The following CCSER1 variants were observed in gnomAD, a reference collection of about 807,000 sequenced individuals.
The protein encoded by CCSER1 is serine-rich coiled-coil domain-containing protein 1.
A neutral mutation model predicts 82.0 loss-of-function variants in CCSER1; 41 were observed. The ratio of observed to expected loss-of-function variants is 0.50; its 90% confidence interval spans 0.39 to 0.65. The LOEUF is 0.65. Ranked by LOEUF, CCSER1 falls within the 30% of genes least tolerant of loss-of-function variation. The probability of loss-of-function intolerance (pLI) is 0.00; values close to 1 mark genes in which losing one functional copy is unlikely to be tolerated. For synonymous variants in CCSER1, 414 were observed against 383.9 expected, an observed-to-expected ratio of 1.08 and a Z score of -0.92; for missense variants, 1,119 against 1,064.2, an observed-to-expected ratio of 1.05 and a Z score of -0.72.
At chr4:90,551,678 T>TTCTC (rs71596530) in intron 5 of CCSER1, among the ~76,000 whole-genome samples, 2,880 of 88,414 alleles carry the variant, frequency 0.033, 85 homozygotes, top group African/African-American at 0.06. Flanking sequence ...AAAAATATAA[T>TTCTC]TCTCTCTCTC....
At chr4:90,317,593 GC>G (rs2153484695) in intron 3 of CCSER1, among the ~76,000 whole-genome samples, 1 of 152,262 alleles carries the variant, frequency 6.6e-6, no homozygotes, top group East Asian at 1.9e-4. Context: ...CTGCACTCCA[GC>G]TTGAACAACA....
At chr4:90,168,417 C>T (rs1054544352) in intron 1 of CCSER1, among the ~76,000 whole-genome samples, 10 of 152,168 alleles carry the variant, frequency 6.6e-5, no homozygotes, top group South Asian at 2.1e-4. Context: ...TTCTCCCATT[C>T]TGTAGGTTGC....
At chr4:90,280,795 T>C (rs76628265) in intron 1 of CCSER1, among the ~76,000 whole-genome samples, 1 of 76,534 alleles carries the variant, frequency 1.3e-5, no homozygotes, top group Non-Finnish European at 2.4e-5. Flanking sequence ...AGGTCTTTAA[T>C]CTAAATATTT....
chr4:90,615,528 T>G (rs548345362), intron 5 of CCSER1, among the ~76,000 whole-genome samples: 2 of 152,258 alleles, frequency 1.3e-5, no homozygotes, highest in African/African-American at 4.8e-5. Context: ...TTCAAGGGGT[T>G]CAAGACTACA....
intron 8 of CCSER1, among the ~76,000 whole-genome samples, chr4:90,912,684 G>T (rs7657375): frequency 0.48 from 73,360 of 151,912 alleles, 19,950 homozygotes; most frequent in African/African-American, 0.75. Context: ...AGGATCAAAC[G>T]TTTCCAAGCT....
intron 5 of CCSER1, among the ~76,000 whole-genome samples, chr4:90,591,139 C>T (rs1400599429): frequency 4.6e-5 from 7 of 152,120 alleles, no homozygotes; most frequent in Non-Finnish European, 8.8e-5. Flanking sequence ...GATTTTTGTA[C>T]ATTGCTGTTG....
chr4:91,232,994 A>C (rs1738738224), intron 10 of CCSER1, among the ~76,000 whole-genome samples: 1 of 151,876 alleles, frequency 6.6e-6, no homozygotes. Flanking sequence ...TAACAATGGC[A>C]ATCTCTGGGG....
chr4:91,384,742 A>G (rs1751165009), intron 10 of CCSER1, among the ~76,000 whole-genome samples: 1 of 152,112 alleles, frequency 6.6e-6, no homozygotes, highest in Non-Finnish European at 1.5e-5. Flanking sequence ...AAAACTTTTC[A>G]TGACAAAGTG....
intron 1 of CCSER1, among the ~76,000 whole-genome samples, chr4:90,170,884 G>T (rs1044377335): frequency 3.3e-5 from 5 of 151,912 alleles, no homozygotes; most frequent in South Asian, 4.1e-4. Context: ...TATGTAGCTA[G>T]CAGTGGGATT....
chr4:90,273,921 A>G (rs1396669039), intron 1 of CCSER1, among the ~76,000 whole-genome samples: 3 of 152,226 alleles, frequency 2.0e-5, no homozygotes, highest in African/African-American at 7.2e-5. Flanking sequence ...GAAGATAATT[A>G]TTCAAGATAT....
intron 9 of CCSER1, among the ~76,000 whole-genome samples, chr4:91,068,903 C>G (rs1721126661): frequency 6.6e-6 from 1 of 152,024 alleles, no homozygotes; most frequent in Non-Finnish European, 1.5e-5. Context: ...TGATTTTTGG[C>G]CAGGCATGGT....
intron 4 of CCSER1, among the ~76,000 whole-genome samples, chr4:90,448,785 T>C (rs921150764): frequency 1.3e-5 from 2 of 152,062 alleles, no homozygotes; most frequent in African/African-American, 4.8e-5. Context: ...GCTGCAGCTC[T>C]TCTCTCCTTC....
At chr4:91,478,984 T>C (rs1052054224) in intron 10 of CCSER1, among the ~76,000 whole-genome samples, 2 of 151,860 alleles carry the variant, frequency 1.3e-5, no homozygotes, top group African/African-American at 4.8e-5. Context: ...TTTTTTATAA[T>C]TAAGCAAATA....
At chr4:91,079,882 A>G (rs1380946585) in intron 9 of CCSER1, among the ~76,000 whole-genome samples, 1 of 152,196 alleles carries the variant, frequency 6.6e-6, no homozygotes, top group African/African-American at 2.4e-5. Flanking sequence ...CTAAATTTAT[A>G]GGCACCCAAT....
At chr4:90,705,489 C>G (rs983063158) in intron 6 of CCSER1, among the ~76,000 whole-genome samples, 5 of 152,216 alleles carry the variant, frequency 3.3e-5, no homozygotes, top group Non-Finnish European at 5.9e-5. Context: ...AACTACTACT[C>G]TCTTCAAAGG....
At position 91,180,714 on chromosome 4, in the gene CCSER1, AC is replaced by A. The variant is rs376248668; in HGVS notation, c.2217+94721del. Among the ~76,000 whole-genome samples, 1,356 of 152,178 alleles carry A rather than the reference AC, an allele frequency of 8.9e-3. 20 individuals carry two copies. The highest frequency in any genetic ancestry group is 0.031 in the African/African-American group (1,271 of 41,508). ...GAGGAGCTCAGTCAGGGAGACCCTA[AC>A]TCAGCGGCACTAGAGGAATTAAAGA... is the stretch of plus-strand genomic sequence containing the variant. On this transcript the variant is annotated intron_variant, in intron 10 of 10. Transcript: ENST00000509176.
intron 10 of CCSER1, among the ~76,000 whole-genome samples, chr4:91,580,939 A>T (rs1763698041): frequency 6.6e-6 from 1 of 151,644 alleles, no homozygotes; most frequent in South Asian, 2.1e-4. Context: ...ATTTAGCCAA[A>T]ATTATATAAC....
At chr4:91,001,658 G>A (rs550630860) in intron 9 of CCSER1, among the ~76,000 whole-genome samples, 9 of 152,212 alleles carry the variant, frequency 5.9e-5, no homozygotes, top group Non-Finnish European at 1.2e-4. Flanking sequence ...TACGTGTTAG[G>A]TGAGTCTCTT....
At chr4:90,464,446 G>T (rs1465327798) in intron 4 of CCSER1, among the ~76,000 whole-genome samples, 1 of 152,114 alleles carries the variant, frequency 6.6e-6, no homozygotes, top group Non-Finnish European at 1.5e-5. Flanking sequence ...CTTCTACTAG[G>T]TACAGTTCCA....
Sources: allele counts gnomAD v4.1 joint callset (sites outside exome capture counted in the v4.1 genomes callset), GRCh38; gene constraint gnomAD v4.1.1; transcripts MANE v1.5; gene names NCBI Gene and HGNC (gene_info 2026-07-23, HGNC 2026-07-21).